Variants in ZNF407 observed in about 807,000 individuals in gnomAD.
ZNF407 encodes the protein zinc finger protein 407.
Under a neutral mutation model 131.2 loss-of-function variants are expected in ZNF407, and 17 were observed. The observed-to-expected ratio is 0.13, with a 90% CI of 0.09 to 0.19. ZNF407 has a LOEUF of 0.19. Among genes scored for constraint, ZNF407 ranks in the 10% least tolerant of loss-of-function variants. The probability of loss-of-function intolerance (pLI) is 1.00; values close to 1 mark genes in which losing one functional copy is unlikely to be tolerated. For missense variants in ZNF407, 2,681 were observed against 2,830.6 expected (o/e 0.95, Z 1.20); for synonymous variants, 1,156 against 1,062.0 (o/e 1.09, Z -1.72).
intron 1 of ZNF407, among the ~76,000 whole-genome samples, chr18:74,625,334 ATG>A (rs72386590): frequency 0.014 from 2,039 of 148,608 alleles, 36 homozygotes; most frequent in African/African-American, 0.046. Context: ...CTCTAAGCAA[ATG>A]TGTGTGTGTG....
chr18:74,691,065 G>C (rs1967210105), intron 3 of ZNF407, among the ~76,000 whole-genome samples: 1 of 152,062 alleles, frequency 6.6e-6, no homozygotes, highest in African/African-American at 2.4e-5. Flanking sequence ...GATCACCTGA[G>C]GTCAGGAGTT....
chr18:74,890,146 A>G, intron 7 of ZNF407, 108 bp downstream of exon 7: 4 of 1,263,136 alleles, frequency 3.2e-6, no homozygotes, highest in Non-Finnish European at 4.1e-6. Context: ...ATGAGTTCAT[A>G]TATTCGGTTG....
chr18:74,836,438 A>G (rs1206621117), intron 4 of ZNF407, among the ~76,000 whole-genome samples: 1 of 152,076 alleles, frequency 6.6e-6, no homozygotes. Context: ...CTGTGTGTGT[A>G]TTTGGGGAAT....
chr18:74,652,837 A>G (rs1824243), intron 3 of ZNF407, among the ~76,000 whole-genome samples: 3,540 of 151,988 alleles, frequency 0.023, 148 homozygotes, highest in African/African-American at 0.08. Context: ...CCTCTCACAT[A>G]TAGGGTATGT....
chr18:74,937,391 C>G (rs1972050739), intron 8 of ZNF407, among the ~76,000 whole-genome samples: 2 of 152,324 alleles, frequency 1.3e-5, no homozygotes, highest in Admixed American at 6.5e-5. Flanking sequence ...GGTAAAATAA[C>G]TGACTGAAAC....
chr18:74,616,836 G>GCACCACACGCATCCATATCCACA (rs1983312752), intron 1 of ZNF407, among the ~76,000 whole-genome samples: 1 of 4,682 alleles, frequency 2.1e-4, no homozygotes, highest in Non-Finnish European at 4.6e-4. Context: ...CCATATCCAC[G>GCACCACACGCATCCATATCCACA]CACCACACGC....
chr18:74,665,749 C>T (rs938843518), intron 3 of ZNF407, among the ~76,000 whole-genome samples: 5 of 152,104 alleles, frequency 3.3e-5, no homozygotes, highest in African/African-American at 4.8e-5. Flanking sequence ...GGAAGTGCGC[C>T]GTTCTACGCC....
chr18:74,733,164 A>G (rs985183461), intron 3 of ZNF407, among the ~76,000 whole-genome samples: 2 of 152,132 alleles, frequency 1.3e-5, no homozygotes, highest in Non-Finnish European at 2.9e-5. Context: ...AAAGTTAGCT[A>G]ATGTTTTAAA....
At chr18:74,767,514 A>G (rs1343045149) in intron 3 of ZNF407, among the ~76,000 whole-genome samples, 3 of 152,136 alleles carry the variant, frequency 2.0e-5, no homozygotes, top group African/African-American at 7.2e-5. Context: ...ATTGTATTTC[A>G]TGGAAAATAT....
intron 3 of ZNF407, among the ~76,000 whole-genome samples, chr18:74,646,777 T>C (rs1270120971): frequency 6.6e-6 from 1 of 152,190 alleles, no homozygotes; most frequent in African/African-American, 2.4e-5. Flanking sequence ...CAGTGAACTG[T>C]TTGGTGAAGC....
At chr18:74,994,128 A>G (rs7241108) in intron 8 of ZNF407, among the ~76,000 whole-genome samples, 32,485 of 152,096 alleles carry the variant, frequency 0.21, 4,048 homozygotes, top group African/African-American at 0.31. Flanking sequence ...TAAATCCCAC[A>G]GTTTTGTGCA....
intron 4 of ZNF407, among the ~76,000 whole-genome samples, chr18:74,836,517 T>C (rs1412203569): frequency 1.3e-5 from 2 of 152,218 alleles, no homozygotes; most frequent in African/African-American, 4.8e-5. Context: ...ATTTCCTTTT[T>C]CTGGCACTGG....
At chr18:74,979,089 G>A (rs1298579939) in intron 8 of ZNF407, among the ~76,000 whole-genome samples, 1 of 152,160 alleles carries the variant, frequency 6.6e-6, no homozygotes, top group Non-Finnish European at 1.5e-5. Context: ...CTCTGTCAGT[G>A]AGAGTAGAAT....
Position 74,922,570 on chromosome 18 carries a change from T to C in ZNF407, c.5428+1878T>C, listed in dbSNP as rs530042940. Among the ~76,000 whole-genome samples, 74 of 152,304 alleles carry C rather than the reference T, an allele frequency of 4.9e-4. No homozygotes were observed. In the Middle Eastern group the frequency reaches 0.014, roughly 28 times the overall value. On this transcript the variant is annotated intron_variant, in intron 8 of 8. Coordinates refer to ENST00000299687, the MANE Select transcript of ZNF407 (RefSeq NM_017757.3). Reference sequence around the variant, plus strand: ...ATATTTGGGAATTCATATATTAAAGTGAGGTATTTTATTTTTTATTTGAAA... The same window carrying C: ...ATATTTGGGAATTCATATATTAAAGCGAGGTATTTTATTTTTTATTTGAAA...
chr18:74,821,443 C>G (rs1384696536), intron 4 of ZNF407, among the ~76,000 whole-genome samples: 1 of 151,852 alleles, frequency 6.6e-6, no homozygotes, highest in East Asian at 2.0e-4. Context: ...ACAACAGGCC[C>G]CCGTGTGTGA....
chr18:74,757,203 A>G (rs1968984170), intron 3 of ZNF407, among the ~76,000 whole-genome samples: 1 of 151,714 alleles, frequency 6.6e-6, no homozygotes, highest in Non-Finnish European at 1.5e-5. Context: ...TTATTCGTTT[A>G]TTTTATTTTA....
intron 8 of ZNF407, among the ~76,000 whole-genome samples, chr18:74,974,243 A>G (rs953267343): frequency 6.6e-6 from 1 of 152,204 alleles, no homozygotes; most frequent in Non-Finnish European, 1.5e-5. Context: ...CCTCACAGCT[A>G]TTCTGCCCTA....
chr18:74,615,040 G>A (rs1306451629), intron 1 of ZNF407, among the ~76,000 whole-genome samples: 1 of 152,204 alleles, frequency 6.6e-6, no homozygotes, highest in Non-Finnish European at 1.5e-5. Context: ...CTTTTAAGGG[G>A]CCATGAGCCA....
chr18:74,793,246 C>T (rs1408667384), intron 4 of ZNF407, among the ~76,000 whole-genome samples: 3 of 152,112 alleles, frequency 2.0e-5, no homozygotes. Flanking sequence ...TAAATAATAA[C>T]AAATATTTTG....
Sources: allele counts gnomAD v4.1 joint callset (sites outside exome capture counted in the v4.1 genomes callset), GRCh38; gene constraint gnomAD v4.1.1; transcripts MANE v1.5; gene names NCBI Gene and HGNC (gene_info 2026-07-23, HGNC 2026-07-21).